MALRD1: variants seen among roughly 807,000 people sequenced by gnomAD.
MALRD1 encodes MAM and LDL receptor class A domain containing 1.
A neutral mutation model predicts 242.1 loss-of-function variants in MALRD1; 247 were observed. That is an observed-to-expected ratio of 1.02 (90% CI 0.92 to 1.13). The LOEUF is 1.13. MALRD1 is among the 50% of genes most tolerant of loss of function. The probability of loss-of-function intolerance (pLI) is 0.00; values close to 1 mark genes in which losing one functional copy is unlikely to be tolerated. For synonymous variants in MALRD1, 995 were observed against 866.6 expected (o/e 1.15, Z -2.60); for missense variants, 2,989 against 2,533.1 (o/e 1.18, Z -3.86).
intron 14 of MALRD1, among the ~76,000 whole-genome samples, chr10:19,185,640 A>T (rs1835705635): frequency 1.3e-5 from 2 of 152,194 alleles, no homozygotes; most frequent in African/African-American, 4.8e-5. Flanking sequence ...AATAGAGACA[A>T]AGTCATTTTA....
intron 36 of MALRD1, among the ~76,000 whole-genome samples, chr10:19,661,170 C>G (rs1030532945): frequency 2.1e-4 from 32 of 152,248 alleles, no homozygotes; most frequent in Middle Eastern, 6.8e-3. Context: ...AATAGGAACG[C>G]TTTTACACTG....
Position 19,345,616 on chromosome 10 carries a change from C to T in MALRD1, c.3902-2155C>T, listed in dbSNP as rs145645453. On this transcript the variant is annotated intron_variant, in intron 24 of 39. Coordinates refer to ENST00000454679, the MANE Select transcript of MALRD1 (RefSeq NM_001142308.3). ...ACATTTGAAAACTGAATTAGCAATT[C>T]GATTTTTAAAAGGCATTCTCTCCAT... Among the ~76,000 whole-genome samples, 398 of 151,894 alleles carry T rather than the reference C, an allele frequency of 2.6e-3. 1 individual carries two copies. The highest frequency in any genetic ancestry group is 8.1e-3 in the African/African-American group (338 of 41,492).
intron 19 of MALRD1, among the ~76,000 whole-genome samples, chr10:19,265,240 A>AT (rs2131830538): frequency 6.6e-6 from 1 of 151,536 alleles, no homozygotes; most frequent in African/African-American, 2.4e-5. Context: ...AATCTTTATT[A>AT]GTTCCTTCTT....
intron 36 of MALRD1, among the ~76,000 whole-genome samples, chr10:19,658,954 C>T (rs1219098205): frequency 1.3e-5 from 2 of 152,126 alleles, no homozygotes; most frequent in South Asian, 2.1e-4. Flanking sequence ...CAGACGTTTA[C>T]TTTGGAAAAC....
intron 1 of MALRD1, among the ~76,000 whole-genome samples, chr10:19,054,104 T>G (rs746392095): frequency 3.3e-5 from 5 of 152,130 alleles, no homozygotes; most frequent in Non-Finnish European, 7.4e-5. Context: ...GTCTGTGTAA[T>G]TTTTTTAAAA....
At chr10:19,378,538 G>A (rs564613690) in intron 26 of MALRD1, among the ~76,000 whole-genome samples, 3 of 152,246 alleles carry the variant, frequency 2.0e-5, no homozygotes, top group East Asian at 3.9e-4. Context: ...GATCTGATGT[G>A]TGCCAGATAT....
At chr10:19,295,140 A>C (rs183966410) in intron 21 of MALRD1, among the ~76,000 whole-genome samples, 1 of 152,214 alleles carries the variant, frequency 6.6e-6, no homozygotes, top group Admixed American at 6.5e-5. Context: ...GCTTTGCCAC[A>C]TGTCACATCA....
At chr10:19,076,426 T>C (rs1835320452) in intron 2 of MALRD1, among the ~76,000 whole-genome samples, 1 of 152,056 alleles carries the variant, frequency 6.6e-6, no homozygotes, top group Non-Finnish European at 1.5e-5. Flanking sequence ...TACAGTTCCC[T>C]GTAAGAGTTT....
chr10:19,683,298 G>C (rs1489534754), intron 36 of MALRD1, among the ~76,000 whole-genome samples: 1 of 152,182 alleles, frequency 6.6e-6, no homozygotes, highest in Non-Finnish European at 1.5e-5. Context: ...CAAGCTGTTA[G>C]GGAATGTGGT....
chr10:19,552,026 A>G (rs1262435477), intron 32 of MALRD1, among the ~76,000 whole-genome samples: 1 of 152,124 alleles, frequency 6.6e-6, no homozygotes, highest in East Asian at 1.9e-4. Context: ...ATTCATGTTC[A>G]TCAAAGATAT....
intron 21 of MALRD1, among the ~76,000 whole-genome samples, chr10:19,283,702 C>T (rs1840942337): frequency 6.6e-6 from 1 of 152,144 alleles, no homozygotes; most frequent in South Asian, 2.1e-4. Flanking sequence ...CTCAATAAAT[C>T]ATGCCATTAA....
intron 29 of MALRD1, among the ~76,000 whole-genome samples, chr10:19,476,336 A>G (rs985492989): frequency 5.9e-5 from 9 of 152,146 alleles, no homozygotes; most frequent in African/African-American, 1.9e-4. Context: ...TAGGTCAATA[A>G]GCCATATAAT....
intron 5 of MALRD1, among the ~76,000 whole-genome samples, chr10:19,115,413 A>C (rs897309841): frequency 5.3e-5 from 8 of 152,022 alleles, no homozygotes; most frequent in African/African-American, 1.7e-4. Context: ...ATGTACCCCG[A>C]AGTTAAAATA....
intron 18 of MALRD1, among the ~76,000 whole-genome samples, chr10:19,214,298 A>G (rs1430114706): frequency 6.6e-6 from 1 of 152,158 alleles, no homozygotes; most frequent in Non-Finnish European, 1.5e-5. Context: ...CCAGGCATAA[A>G]TTAGGGCAGT....
chr10:19,471,662 A>T (rs1836504567), intron 29 of MALRD1, among the ~76,000 whole-genome samples: 1 of 58,654 alleles, frequency 1.7e-5, no homozygotes, highest in African/African-American at 6.8e-5. Flanking sequence ...ACCTCTGCTT[A>T]ATTTTTTTTT....
chr10:19,526,243 T>C (rs1478479271), intron 31 of MALRD1, among the ~76,000 whole-genome samples: 1 of 152,034 alleles, frequency 6.6e-6, no homozygotes, highest in Non-Finnish European at 1.5e-5. Context: ...TCTGAAAGTA[T>C]AATTCAATGT....
chr10:19,491,220 G>T, intron 29 of MALRD1: 1 of 607,190 alleles, frequency 1.6e-6, no homozygotes, highest in South Asian at 1.5e-5. Flanking sequence ...CCCTTTACCA[G>T]GTTCCAGGTA....
At chr10:19,688,826 A>G (rs967402906) in intron 36 of MALRD1, among the ~76,000 whole-genome samples, 23 of 152,236 alleles carry the variant, frequency 1.5e-4, no homozygotes, top group East Asian at 1.9e-4. Context: ...AAAGAAATCC[A>G]GGGATCAGAC....
intron 2 of MALRD1, among the ~76,000 whole-genome samples, chr10:19,087,240 G>A (rs11815250): frequency 0.025 from 3,867 of 152,094 alleles, 158 homozygotes; most frequent in African/African-American, 0.09. Flanking sequence ...AGTCCTAATA[G>A]TATAATGTTT....
Sources: allele counts gnomAD v4.1 joint callset (sites outside exome capture counted in the v4.1 genomes callset), GRCh38; gene constraint gnomAD v4.1.1; transcripts MANE v1.5; gene names NCBI Gene and HGNC (gene_info 2026-07-23, HGNC 2026-07-21).